NCAM2: variants seen among roughly 807,000 people sequenced by gnomAD.
NCAM2 encodes the protein N-CAM-2.
In NCAM2, 30 loss-of-function variants were observed where a neutral mutation model predicts 98.1. The observed-to-expected ratio is 0.31, with a 90% CI of 0.23 to 0.41. NCAM2 has a LOEUF of 0.41. NCAM2 is among the 10% of genes least tolerant of loss of function. NCAM2 has a pLI of 1.00. For missense variants in NCAM2, 867 were observed against 1,005.8 expected (o/e 0.86, Z 1.87); for synonymous variants, 368 against 342.4 (o/e 1.07, Z -0.83).
intron 16 of NCAM2, among the ~76,000 whole-genome samples, chr21:21,514,402 G>T (rs1268897656): frequency 6.7e-6 from 1 of 148,462 alleles, no homozygotes; most frequent in Non-Finnish European, 1.5e-5. Context: ...CTTGAACCTC[G>T]GAAGTGGAAG....
chr21:21,434,946 C>T (rs374904809), intron 12 of NCAM2, among the ~76,000 whole-genome samples: 8 of 152,122 alleles, frequency 5.3e-5, no homozygotes, highest in African/African-American at 1.9e-4. Flanking sequence ...CTCTGTGGGA[C>T]AGGCATCTAA....
intron 1 of NCAM2, among the ~76,000 whole-genome samples, chr21:21,202,023 C>G (rs1248498512): frequency 6.6e-6 from 1 of 152,114 alleles, no homozygotes; most frequent in Non-Finnish European, 1.5e-5. Context: ...ATGTTTCTTG[C>G]AAGTCTCATG....
At chr21:21,373,819 A>C in intron 8 of NCAM2, 44 bp from the exon 9 acceptor site, 1 of 1,503,290 alleles carries the variant, frequency 6.7e-7, no homozygotes, top group Non-Finnish European at 8.9e-7. Flanking sequence ...CATTTTGCAC[A>C]CACAAGCATA....
intron 1 of NCAM2, among the ~76,000 whole-genome samples, chr21:21,191,749 G>A (rs1432494627): frequency 6.6e-6 from 1 of 152,096 alleles, no homozygotes; most frequent in Non-Finnish European, 1.5e-5. Flanking sequence ...AGTTTCTTCT[G>A]TGCAGCAGGA....
At chr21:21,419,028 A>C (rs941400833) in intron 11 of NCAM2, among the ~76,000 whole-genome samples, 6 of 152,180 alleles carry the variant, frequency 3.9e-5, no homozygotes, top group African/African-American at 1.4e-4. Flanking sequence ...AAAATTTTCC[A>C]AAACCTTAGA....
intron 1 of NCAM2, among the ~76,000 whole-genome samples, chr21:21,054,192 T>C (rs145455175): frequency 6.6e-6 from 1 of 151,988 alleles, no homozygotes; most frequent in African/African-American, 2.4e-5. Flanking sequence ...ACTTTGTGAT[T>C]GAATAATCTG....
At chr21:21,260,765 G>T (rs2147343639) in intron 1 of NCAM2, among the ~76,000 whole-genome samples, 1 of 151,738 alleles carries the variant, frequency 6.6e-6, no homozygotes. Flanking sequence ...TGTAAGTACA[G>T]AGTTCACAGA....
chr21:21,184,010 T>G (rs1436019067), intron 1 of NCAM2, among the ~76,000 whole-genome samples: 14 of 152,130 alleles, frequency 9.2e-5, no homozygotes, highest in Admixed American at 8.5e-4. Flanking sequence ...CCAGAATGTT[T>G]ATTATCTTAG....
chr21:21,336,219 G>A (rs925131982), intron 7 of NCAM2, among the ~76,000 whole-genome samples: 1 of 152,076 alleles, frequency 6.6e-6, no homozygotes, highest in African/African-American at 2.4e-5. Flanking sequence ...CAAGAAGAAA[G>A]ACAGTGATGG....
intron 5 of NCAM2, among the ~76,000 whole-genome samples, chr21:21,323,085 G>C (rs1481971639): frequency 6.6e-6 from 1 of 152,098 alleles, no homozygotes; most frequent in African/African-American, 2.4e-5. Flanking sequence ...GTAATAAAAA[G>C]AGTAATACTG....
intron 1 of NCAM2, among the ~76,000 whole-genome samples, chr21:21,093,080 A>G (rs1347482002): frequency 6.6e-6 from 1 of 152,018 alleles, no homozygotes; most frequent in African/African-American, 2.4e-5. Context: ...GATCAAGAAG[A>G]CAATTTGTTA....
intron 1 of NCAM2, among the ~76,000 whole-genome samples, chr21:21,265,287 G>A (rs1348623589): frequency 1.6e-5 from 2 of 126,632 alleles, no homozygotes; most frequent in Admixed American, 1.7e-4. Context: ...ACACATATGT[G>A]TGTATATATA....
At chr21:21,152,338 T>C (rs2067471851) in intron 1 of NCAM2, among the ~76,000 whole-genome samples, 1 of 152,052 alleles carries the variant, frequency 6.6e-6, no homozygotes, top group South Asian at 2.1e-4. Context: ...CTCGAATATA[T>C]ATGCTAATTC....
In NCAM2 at chr21:21,199,565, A is replaced by G. The variant is rs79288709; in HGVS notation, c.56-81013A>G. Reference sequence around the variant, plus strand: ...CTGTCTAAAGAGCGTCTTCCTGTGAAAATGACTAACCTTGAGAGTAGTGAT... The same window carrying G: ...CTGTCTAAAGAGCGTCTTCCTGTGAGAATGACTAACCTTGAGAGTAGTGAT... On this transcript the variant is annotated intron_variant, in intron 1 of 17. Transcript: ENST00000400546. Among the ~76,000 whole-genome samples the G allele has an allele frequency of 5.0e-3, 758 of 152,332 alleles. 3 individuals are homozygous for G. Among genetic ancestry groups the G allele is most frequent in the Non-Finnish European group, 7.8e-3 (531 of 68,034 alleles).
intron 1 of NCAM2, among the ~76,000 whole-genome samples, chr21:21,135,833 G>T (rs552479684): frequency 2.4e-4 from 37 of 152,072 alleles, no homozygotes; most frequent in African/African-American, 4.6e-4. Flanking sequence ...GGTGGCAATT[G>T]TACCTAATAG....
At chr21:21,537,530 G>C (rs1990045372) in intron 17 of NCAM2, among the ~76,000 whole-genome samples, 1 of 152,084 alleles carries the variant, frequency 6.6e-6, no homozygotes, top group African/African-American at 2.4e-5. Flanking sequence ...ACCCTATAGT[G>C]AGCAATTTGG....
chr21:21,277,020 T>C (rs181945420), intron 1 of NCAM2, among the ~76,000 whole-genome samples: 106 of 152,218 alleles, frequency 7.0e-4, no homozygotes, highest in African/African-American at 2.4e-3. Context: ...ATTTGACTTT[T>C]AAAATTTCTA....
At chr21:21,270,508 A>G (rs1385852784) in intron 1 of NCAM2, among the ~76,000 whole-genome samples, 3 of 152,192 alleles carry the variant, frequency 2.0e-5, no homozygotes, top group Admixed American at 6.5e-5. Context: ...ATCTTAACGT[A>G]ATGATTTTAC....
At chr21:21,437,518 T>C (rs2146060691) in intron 12 of NCAM2, among the ~76,000 whole-genome samples, 1 of 94,140 alleles carries the variant, frequency 1.1e-5, no homozygotes, top group African/African-American at 4.7e-5. Context: ...CACACCCTTT[T>C]ATTTCATTCT....
Sources: allele counts gnomAD v4.1 joint callset (sites outside exome capture counted in the v4.1 genomes callset), GRCh38; gene constraint gnomAD v4.1.1; transcripts MANE v1.5; gene names NCBI Gene and HGNC (gene_info 2026-07-23, HGNC 2026-07-21).